DUSP19: variants seen among roughly 807,000 people sequenced by gnomAD.
DUSP19 encodes dual specificity phosphatase 19, also known as dual specificity protein phosphatase 19.
DUSP19 carries 14 observed loss-of-function variants against 16.6 expected under a neutral mutation model. The ratio of observed to expected loss-of-function variants is 0.84; its 90% CI spans 0.56 to 1.32. The LOEUF (loss-of-function observed/expected upper bound fraction) is 1.32, where lower values mean the gene tolerates loss of function less well. DUSP19 is among the 40% of genes most tolerant of loss of function. DUSP19 has a pLI of 0.00. For missense variants in DUSP19, 258 were observed against 255.9 expected (o/e 1.01, Z -0.06); for synonymous variants, 81 against 90.5 (o/e 0.90, Z 0.59).
At chr2:183,082,817 C>G (rs939527073) in intron 1 of DUSP19, among the ~76,000 whole-genome samples, 4 of 150,924 alleles carry the variant, frequency 2.7e-5, no homozygotes, top group Non-Finnish European at 5.9e-5. Flanking sequence ...TTTGTTCGTT[C>G]GTTCGTTCGT....
chr2:183,078,848 T>C lies in DUSP19; in HGVS notation c.-86T>C. 3.9e-6 allele frequency: 5 copies of C among 1,277,722 alleles called. No individual in the cohort carries two copies. The highest frequency in any genetic ancestry group is 5.5e-6 in the Non-Finnish European group (5 of 914,736). 79.1% of individuals were successfully genotyped at this position (1,277,722 alleles called of 1,614,324 possible). A position where few individuals can be genotyped will look rare whatever the true frequency, so the allele number is the denominator to read the frequency against. On this transcript the variant is annotated 5_prime_UTR_variant, in exon 1 of 4. Transcript: ENST00000354221. ...CGAGCACCTCTGAGGCTGGCTTTGT[T>C]ACCTGGGCAATAAGGGACTAGCAGT... is the stretch of plus-strand genomic sequence containing the variant.
chr2:183,088,143 G>A (rs1699685250), intron 3 of DUSP19, among the ~76,000 whole-genome samples: 1 of 152,116 alleles, frequency 6.6e-6, no homozygotes, highest in African/African-American at 2.4e-5. Flanking sequence ...GTTTATGTAT[G>A]TTTAGATACA....
chr2:183,090,453 A>C (rs1699718091), intron 3 of DUSP19, among the ~76,000 whole-genome samples: 1 of 152,198 alleles, frequency 6.6e-6, no homozygotes, highest in Non-Finnish European at 1.5e-5. Context: ...CCCTCTTTTT[A>C]TGTACAAAAG....
intron 1 of DUSP19, among the ~76,000 whole-genome samples, chr2:183,081,403 C>A (rs928574602): frequency 2.6e-5 from 4 of 152,108 alleles, no homozygotes; most frequent in Non-Finnish European, 5.9e-5. Flanking sequence ...CACCACCATG[C>A]CTGGCTAATT....
chr2:183,089,955 A>G (rs1559129663), intron 3 of DUSP19, among the ~76,000 whole-genome samples: 1 of 151,802 alleles, frequency 6.6e-6, no homozygotes, highest in African/African-American at 2.4e-5. Context: ...TGTATTTTTA[A>G]TAGAGACGGG....
At chr2:183,085,457 G>A (rs1483307119) in intron 2 of DUSP19, among the ~76,000 whole-genome samples, 2 of 152,180 alleles carry the variant, frequency 1.3e-5, no homozygotes, top group African/African-American at 2.4e-5. Flanking sequence ...AGTACGATTA[G>A]GACTAAATTA....
At chr2:183,087,217 T>C in intron 3 of DUSP19, 25 bp downstream of exon 3, 2 of 1,593,886 alleles carry the variant, frequency 1.3e-6, no homozygotes, top group East Asian at 4.5e-5. Context: ...GATCCATAGT[T>C]CTGCAGAAGC....
At chr2:183,089,778 A>G (rs992596143) in intron 3 of DUSP19, among the ~76,000 whole-genome samples, 2 of 152,198 alleles carry the variant, frequency 1.3e-5, no homozygotes, top group African/African-American at 4.8e-5. Flanking sequence ...CTTGTGTTTT[A>G]TACTGGAATC....
chr2:183,092,271 G>A (rs1375439498), intron 3 of DUSP19, among the ~76,000 whole-genome samples: 2 of 152,158 alleles, frequency 1.3e-5, no homozygotes, highest in South Asian at 2.1e-4. Flanking sequence ...TGTACAGGAT[G>A]TGCAGGTTTG....
At chr2:183,090,717 G>A (rs1699721557) in intron 3 of DUSP19, among the ~76,000 whole-genome samples, 1 of 151,622 alleles carries the variant, frequency 6.6e-6, no homozygotes, top group Non-Finnish European at 1.5e-5. Context: ...TTTTTGGGAG[G>A]GCAACTTCAT....
chr2:183,087,631 A>C (rs149273496), intron 3 of DUSP19, among the ~76,000 whole-genome samples: 1 of 152,346 alleles, frequency 6.6e-6, no homozygotes, highest in East Asian at 1.9e-4. Flanking sequence ...ATAGTACTTC[A>C]GGCTTGTTAT....
intron 3 of DUSP19, among the ~76,000 whole-genome samples, chr2:183,091,572 T>G (rs1344245533): frequency 1.3e-5 from 2 of 152,174 alleles, no homozygotes; most frequent in African/African-American, 2.4e-5. Flanking sequence ...AACCAGAGGC[T>G]GAAGTGAAGT....
rs143295197 is a variant in DUSP19 at position 183,095,624 on chromosome 2, A to G, written c.620A>G (p.Asn207Ser). 154 of 1,613,986 alleles carry G rather than the reference A, an allele frequency of 9.5e-5. 1 individual carries two copies. Among genetic ancestry groups the G allele is most frequent in the Admixed American group, 6.3e-4 (38 of 60,010 alleles). Residue 207 changes from asparagine (N) to serine (S), a missense_variant, in exon 4 of 4, where the codon AAT (asparagine) becomes AGT (serine). Physicochemically the swap from Asn to Ser is conservative, Grantham distance 46. Transcript: ENST00000354221. ...LRTYQEGKESNKCDRIQENSS is the reference protein window; with the variant it reads ...LRTYQEGKESSKCDRIQENSS ...ACATATCAAGAGGGCAAAGAAAGCA[A>G]TAAGTGTGACAGAATACAGGAGAAC...
rs533572435 is a variant in DUSP19 at position 183,095,927 on chromosome 2, T to C, written c.*269T>C. On this transcript the variant is annotated 3_prime_UTR_variant, in exon 4 of 4. Transcript: ENST00000354221. ...AAGTGTTAGTAATCATTGCTTTCTG[T>C]AGAAGAAAAAGGTTTAAATTTAAAA... 4.3e-6 allele frequency: 1 copy of C among 233,170 alleles called. No homozygotes were observed. Among genetic ancestry groups the C allele is most frequent in the East Asian group, 8.2e-5 (1 of 12,176 alleles). The allele number at this position is 233,170 out of a possible 1,614,324, so 14.4% of individuals were successfully genotyped here.
chr2:183,095,476 G>A lies in DUSP19; in HGVS notation c.472G>A (p.Ala158Thr), dbSNP rs771489024. 2 of 1,613,226 alleles carry A rather than the reference G, an allele frequency of 1.2e-6. No homozygotes were observed. The highest frequency in any genetic ancestry group is 1.7e-6 in the Non-Finnish European group (2 of 1,179,760). Residue 158 changes from alanine (A) to threonine (T), a missense_variant, in exon 4 of 4, where the codon GCT becomes ACT. Physicochemically the swap from Ala to Thr is moderately conservative, Grantham distance 58. Transcript: ENST00000354221. ...TTGTAATGCAGGCGTTTCCAGGGCT[G>A]CTGCAATTGTAATAGGTTTCCTGAT... ...VHCNAGVSRA[A>T]AIVIGFLMNS...
intron 3 of DUSP19, among the ~76,000 whole-genome samples, chr2:183,094,471 A>C (rs1391876301): frequency 6.6e-6 from 1 of 152,204 alleles, no homozygotes; most frequent in African/African-American, 2.4e-5. Context: ...ACAGTTCACC[A>C]CATTTCATTT....
intron 3 of DUSP19, among the ~76,000 whole-genome samples, chr2:183,087,961 T>C (rs1699683353): frequency 6.6e-6 from 1 of 152,216 alleles, no homozygotes; most frequent in Non-Finnish European, 1.5e-5. Flanking sequence ...AGCACTGTTC[T>C]ACGTGCCTTC....
At position 183,098,087 on chromosome 2, in the gene DUSP19, G is replaced by A. The variant is rs545333137; in HGVS notation, c.*2429G>A. ...TGTATTTTTTTTTGGTAGAGACAGG[G>A]TTCAACCATGTTGGTCAGGCTGGTC... On this transcript the variant is annotated 3_prime_UTR_variant, in exon 4 of 4. Coordinates refer to ENST00000354221, the MANE Select transcript of DUSP19 (RefSeq NM_080876.4). 1 of 152,232 alleles carries A rather than the reference G, an allele frequency of 6.6e-6. No individual in the cohort carries two copies. The highest frequency in any genetic ancestry group is 2.4e-5 in the African/African-American group (1 of 41,536). 9.4% of individuals were successfully genotyped at this position (152,232 alleles called of 1,614,324 possible). A position where few individuals can be genotyped will look rare whatever the true frequency, so the allele number is the denominator to read the frequency against.
intron 3 of DUSP19, among the ~76,000 whole-genome samples, chr2:183,093,930 C>G (rs561945286): frequency 6.6e-6 from 1 of 152,204 alleles, no homozygotes; most frequent in African/African-American, 2.4e-5. Context: ...TCATCAGTTA[C>G]TTTAATATAA....
Sources: gnomAD v4.1 joint callset for allele counts (sites outside exome capture counted in the v4.1 genomes callset) on GRCh38, gnomAD v4.1.1 for gene constraint, MANE v1.5 for transcripts, NCBI Gene and HGNC (gene_info 2026-07-23, HGNC 2026-07-21) for gene names.